ENPP1: variants seen among roughly 807,000 people sequenced by gnomAD.
ENPP1 encodes ectonucleotide pyrophosphatase/phosphodiesterase 1, also known as ectonucleotide pyrophosphatase/phosphodiesterase family member 1.
In ENPP1, 73 loss-of-function variants were observed where a neutral mutation model predicts 122.8. The observed-to-expected ratio is 0.59, with a 90% CI of 0.49 to 0.72. The LOEUF is 0.72. Among genes scored for constraint, ENPP1 ranks in the 30% least tolerant of loss-of-function variants. ENPP1 has a pLI of 0.00. For missense variants in ENPP1, 978 were observed against 1,128.1 expected (o/e 0.87, Z 1.91); for synonymous variants, 367 against 391.6 (o/e 0.94, Z 0.74).
At chr6:131,817,818 A>G (rs1456742346) in intron 1 of ENPP1, among the ~76,000 whole-genome samples, 1 of 151,676 alleles carries the variant, frequency 6.6e-6, no homozygotes, top group African/African-American at 2.4e-5. Context: ...TATTTTATAT[A>G]TATGTATAAT....
chr6:131,883,062 G>A (rs1274581893), intron 21 of ENPP1, among the ~76,000 whole-genome samples: 1 of 152,124 alleles, frequency 6.6e-6, no homozygotes, highest in Non-Finnish European at 1.5e-5. Context: ...TTGAAGCTAA[G>A]TATTCTATTT....
At chr6:131,874,373 T>A (rs1442871858) in intron 16 of ENPP1, 36 bp downstream of exon 16, 1 of 1,231,498 alleles carries the variant, frequency 8.1e-7, no homozygotes. Flanking sequence ...GGATTAAATC[T>A]AAAGAAAAAA....
chr6:131,860,546 T>A (rs200180915), intron 8 of ENPP1, 40 bp downstream of exon 8: 1 of 1,457,846 alleles, frequency 6.9e-7, no homozygotes, highest in South Asian at 1.2e-5. Context: ...TTAATTATTC[T>A]CATCTATTTC....
chr6:131,835,970 T>C (rs1019028083), intron 1 of ENPP1, among the ~76,000 whole-genome samples: 9 of 152,220 alleles, frequency 5.9e-5, no homozygotes, highest in Admixed American at 5.2e-4. Flanking sequence ...CTAAGTGACA[T>C]ATGGGCACCA....
Position 131,828,005 on chromosome 6 carries a change from A to G in ENPP1, c.240+19730A>G, listed in dbSNP as rs1256011736. 70 of 694,100 alleles carry G rather than the reference A, an allele frequency of 1.0e-4. 3 individuals carry two copies. Among genetic ancestry groups the G allele is most frequent in the South Asian group, 8.9e-4 (66 of 74,106 alleles). 43.0% of individuals were successfully genotyped at this position (694,100 alleles called of 1,614,324 possible). A position where few individuals can be genotyped will look rare whatever the true frequency, so the allele number is the denominator to read the frequency against. On this transcript the variant is annotated intron_variant, in intron 1 of 24. Transcript: ENST00000647893. ...CTGGTACCTGGGGTAGTGAAGCCAT[A>G]AGTTGCTGCAGGCTGCAAAGAACAG...
intron 24 of ENPP1, among the ~76,000 whole-genome samples, chr6:131,888,440 A>G (rs1175854494): frequency 6.6e-6 from 1 of 152,072 alleles, no homozygotes; most frequent in African/African-American, 2.4e-5. Context: ...TTCCTTTGAT[A>G]TTTATAATCA....
intron 1 of ENPP1, among the ~76,000 whole-genome samples, chr6:131,817,747 C>G (rs1327603089): frequency 1.2e-5 from 1 of 85,406 alleles, no homozygotes; most frequent in Non-Finnish European, 2.2e-5. Flanking sequence ...TTCTTTCTCT[C>G]TCTCCATACA....
rs1157516559 is a variant in ENPP1 at position 131,886,742 on chromosome 6, A to G, written c.2607+18A>G. On this transcript the variant is annotated intron_variant, in intron 24 of 24. Coordinates refer to ENST00000647893, the MANE Select transcript of ENPP1 (RefSeq NM_006208.3). Reference sequence around the variant, plus strand: ...GCTGTGTGGTAAGTAGCTTTTGTATATTTACTTTGCATGTTGAAAATCTAG... The same window carrying G: ...GCTGTGTGGTAAGTAGCTTTTGTATGTTTACTTTGCATGTTGAAAATCTAG... The G allele has an allele frequency of 6.2e-7, 1 of 1,606,702 alleles. No individual in the cohort carries two copies. Among genetic ancestry groups the G allele is most frequent in the Non-Finnish European group, 8.5e-7 (1 of 1,176,060 alleles).
intron 1 of ENPP1, chr6:131,827,793 G>A (rs1781563388): frequency 3.3e-6 from 3 of 910,182 alleles, no homozygotes; most frequent in East Asian, 5.1e-5. Flanking sequence ...CCCGCTGCAG[G>A]TGGGGCAATG....
At position 131,886,561 on chromosome 6, in the gene ENPP1, G is replaced by GAA. The variant is rs2114731452; in HGVS notation, c.2448_2449dup (p.Arg817LysfsTer11). The stretch of plus-strand genomic sequence containing the variant: ...AAAATGAATATTGGCATGTTTTACA[G>GAA]AAAAAGAAGAGTCATCCGTAACCAA... On this transcript the variant is annotated frameshift_variant and splice_region_variant. Coordinates refer to ENST00000647893, the MANE Select transcript of ENPP1 (RefSeq NM_006208.3). LOFTEE classifies it high-confidence loss of function. The GAA allele has an allele frequency of 1.2e-6, 2 of 1,608,676 alleles. No homozygotes were observed. The highest frequency in any genetic ancestry group is 2.2e-5 in the East Asian group (1 of 44,816).
intron 1 of ENPP1, among the ~76,000 whole-genome samples, chr6:131,829,469 C>T (rs898497498): frequency 6.6e-6 from 1 of 152,138 alleles, no homozygotes; most frequent in African/African-American, 2.4e-5. Flanking sequence ...ATGGAGAGTT[C>T]TTTGCCTATA....
At chr6:131,858,041 T>C (rs903668821) in intron 6 of ENPP1, among the ~76,000 whole-genome samples, 2 of 152,188 alleles carry the variant, frequency 1.3e-5, no homozygotes, top group Non-Finnish European at 2.9e-5. Flanking sequence ...TTGAGGGACT[T>C]TTTTAGGCAA....
At position 131,886,456 on chromosome 6, in the gene ENPP1, G is replaced by C. The variant is rs982808085; in HGVS notation, c.2445-106G>C. The C allele has an allele frequency of 7.2e-6, 6 of 832,180 alleles. No individual in the cohort carries two copies. The African/African-American group carries it at 8.6e-5, about 12-fold the overall frequency. 51.5% of individuals were successfully genotyped at this position (832,180 alleles called of 1,614,324 possible). ...ACTAGCTTCTTATATTTAATTATTT[G>C]TTTGAATTTGATTTTTATATGTATT... On this transcript the variant is annotated intron_variant, in intron 23 of 24. Transcript: ENST00000647893.
chr6:131,821,721 CATCT>C lies in ENPP1; in HGVS notation c.240+13450_240+13453del, dbSNP rs542983994. Among the ~76,000 whole-genome samples, 104 of 152,306 alleles carry C rather than the reference CATCT, an allele frequency of 6.8e-4. No homozygotes were observed. The East Asian group carries it at 0.019, about 29-fold the overall frequency. On this transcript the variant is annotated intron_variant, in intron 1 of 24. Transcript: ENST00000647893. ...CAGATGTTTTTCCAATTCAGCCATC[CATCT>C]ATCAAAATATCATGTAGATGGTGCT...
intron 1 of ENPP1, chr6:131,828,214 G>A: frequency 1.8e-6 from 1 of 564,976 alleles, no homozygotes; most frequent in Non-Finnish European, 3.5e-6. Flanking sequence ...ATGTTCCAAG[G>A]CATGGTGCAA....
chr6:131,858,682 T>C lies in ENPP1; in HGVS notation c.730T>C (p.Tyr244His). 1 of 1,606,656 alleles carries C rather than the reference T, an allele frequency of 6.2e-7. No individual in the cohort carries two copies. Among genetic ancestry groups the C allele is most frequent in the Non-Finnish European group, 8.5e-7 (1 of 1,173,416 alleles). Residue 244 changes from tyrosine (Y) to histidine (H), a missense_variant, in exon 7 of 25, where the codon TAT (tyrosine) becomes CAT (histidine). Transcript: ENST00000647893. ...VISKLKKCGT[Y>H]TKNMRPVYPT... ...TTCCCTTCTAGAAAAATGTGGAACA[T>C]ATACTAAAAACATGAGACCGGTATA...
chr6:131,814,030 G>A (rs1475145094), intron 1 of ENPP1, among the ~76,000 whole-genome samples: 3 of 152,180 alleles, frequency 2.0e-5, no homozygotes, highest in Non-Finnish European at 2.9e-5. Flanking sequence ...AAAGCTTTCT[G>A]TAAGCTTTGC....
chr6:131,892,309 G>C lies in ENPP1; in HGVS notation c.*1798G>C, dbSNP rs1782481250. The C allele has an allele frequency of 6.6e-6, 1 of 152,236 alleles. No individual in the cohort carries two copies. Among genetic ancestry groups the C allele is most frequent in the Non-Finnish European group, 1.5e-5 (1 of 68,064 alleles). The allele number at this position is 152,236 out of a possible 1,614,324, so 9.4% of individuals were successfully genotyped here. ...CAGATACCACCACAGCAGGGGAATT[G>C]GGAGCACTGCTTCATTATTACCAGG... On this transcript the variant is annotated 3_prime_UTR_variant, in exon 25 of 25. Transcript: ENST00000647893.
chr6:131,834,473 T>C (rs1781649168), intron 1 of ENPP1, among the ~76,000 whole-genome samples: 1 of 152,040 alleles, frequency 6.6e-6, no homozygotes, highest in Non-Finnish European at 1.5e-5. Flanking sequence ...CTTCTCATTC[T>C]AATAGCCTGT....
Sources: allele counts gnomAD v4.1 joint callset (sites outside exome capture counted in the v4.1 genomes callset), GRCh38; gene constraint gnomAD v4.1.1; transcripts MANE v1.5; gene names NCBI Gene and HGNC (gene_info 2026-07-23, HGNC 2026-07-21).